Variants in TENT5D observed in about 807,000 individuals in gnomAD.
The protein encoded by TENT5D is terminal nucleotidyltransferase 5D.
For missense variants in TENT5D, 191 were observed against 287.0 expected (o/e 0.67, Z 2.42); for synonymous variants, 103 against 100.6 (o/e 1.02, Z -0.15).
intron 3 of TENT5D, among the ~76,000 whole-genome samples, chrX:80,354,184 T>A (rs925846307): frequency 1.8e-5 from 2 of 111,609 alleles, no homozygotes; most frequent in Non-Finnish European, 3.8e-5. Context: ...CTATGTGTCT[T>A]GGGGACAGTC....
At chrX:80,423,615 G>A (rs189687862) in intron 1 of TENT5D, among the ~76,000 whole-genome samples, 3 of 110,511 alleles carry the variant, frequency 2.7e-5, no homozygotes, top group African/African-American at 6.6e-5. Flanking sequence ...TGAAGTGAAA[G>A]CTTGGCCAAA....
intron 3 of TENT5D, among the ~76,000 whole-genome samples, chrX:80,368,415 C>T (rs1257437459): frequency 8.9e-6 from 1 of 111,803 alleles, no homozygotes; most frequent in Non-Finnish European, 1.9e-5. Flanking sequence ...ATTCTTTTTA[C>T]TGGCAGGTTG....
chrX:80,357,245 A>C (rs1930303265), intron 3 of TENT5D, among the ~76,000 whole-genome samples: 1 of 111,653 alleles, frequency 9.0e-6, no homozygotes, highest in Non-Finnish European at 1.9e-5. Context: ...TCTTTAGAGC[A>C]GCATGATTTA....
chrX:80,374,551 A>G (rs772029115), intron 3 of TENT5D, among the ~76,000 whole-genome samples: 23 of 110,301 alleles, frequency 2.1e-4, no homozygotes, highest in Admixed American at 1.9e-3. Context: ...CTGTTGTGAG[A>G]TGGTATTTCA....
At chrX:80,423,338 A>T (rs1041618281) in intron 1 of TENT5D, among the ~76,000 whole-genome samples, 5 of 111,632 alleles carry the variant, frequency 4.5e-5, no homozygotes, top group African/African-American at 1.6e-4. Flanking sequence ...ATTTAAGAGA[A>T]TTAAGGAGCG....
intron 1 of TENT5D, among the ~76,000 whole-genome samples, chrX:80,423,919 A>G (rs1931936882): frequency 9.0e-6 from 1 of 110,720 alleles, no homozygotes; most frequent in Admixed American, 9.6e-5. Context: ...AGTGGGCCAG[A>G]GGTTTGTGCA....
At chrX:80,337,523 T>C (rs1929874505) in intron 2 of TENT5D, among the ~76,000 whole-genome samples, 1 of 111,871 alleles carries the variant, frequency 8.9e-6, no homozygotes, top group Non-Finnish European at 1.9e-5. Context: ...TTTCTTCTTC[T>C]GTGATTTTTG....
At chrX:80,382,902 G>A (rs1472022456) in intron 3 of TENT5D, among the ~76,000 whole-genome samples, 3 of 112,051 alleles carry the variant, frequency 2.7e-5, no homozygotes, top group Non-Finnish European at 5.6e-5. Flanking sequence ...AGTCTTTCAC[G>A]GCTTCCCTTG....
chrX:80,407,568 G>A (rs1218602389), intron 3 of TENT5D, among the ~76,000 whole-genome samples: 1 of 106,948 alleles, frequency 9.4e-6, no homozygotes, highest in Non-Finnish European at 1.9e-5. Flanking sequence ...AAATATATAT[G>A]CACCCAATAC....
intron 3 of TENT5D, among the ~76,000 whole-genome samples, chrX:80,374,192 C>T (rs948603397): frequency 1.3e-4 from 14 of 111,536 alleles, no homozygotes; most frequent in South Asian, 3.7e-4. Context: ...TTTTTGGCTG[C>T]GTAGTATTCC....
chrX:80,402,386 T>C (rs1931404476), intron 3 of TENT5D, among the ~76,000 whole-genome samples: 1 of 112,080 alleles, frequency 8.9e-6, no homozygotes, highest in South Asian at 3.6e-4. Flanking sequence ...ATTTTTCTAG[T>C]TGTGATTCCA....
At chrX:80,340,529 C>G (rs1000228614) in intron 2 of TENT5D, among the ~76,000 whole-genome samples, 1 of 111,243 alleles carries the variant, frequency 9.0e-6, no homozygotes, top group African/African-American at 3.3e-5. Flanking sequence ...GTGTAGCATG[C>G]TTTGTAAATT....
rs969572382 is a variant in TENT5D at position 80,373,058 on chromosome X, C to T, written c.-142+30494C>T. Among the ~76,000 whole-genome samples, 7 of 110,880 alleles carry T rather than the reference C, an allele frequency of 6.3e-5. No homozygotes were observed. In the South Asian group the frequency reaches 1.2e-3, roughly 18 times the overall value. The stretch of plus-strand genomic sequence containing the variant: ...TCTGCTCTTAACTGTTATACCTACA[C>T]GACTGTCACTAGTATTGCAAAAATA... On this transcript the variant is annotated intron_variant, in intron 3 of 4. Coordinates refer to the TENT5D transcript ENST00000538312.
chrX:80,407,885 A>G (rs1158194068), intron 3 of TENT5D, among the ~76,000 whole-genome samples: 4 of 110,031 alleles, frequency 3.6e-5, no homozygotes, highest in South Asian at 7.9e-4. Flanking sequence ...AAAGAACAGA[A>G]ATTATAACAA....
chrX:80,349,834 G>A (rs947332069), intron 3 of TENT5D, among the ~76,000 whole-genome samples: 5 of 110,852 alleles, frequency 4.5e-5, no homozygotes, highest in African/African-American at 1.6e-4. Context: ...GTGTCCCAGA[G>A]ATTCAGGTAC....
chrX:80,423,535 T>C (rs1931928236), intron 1 of TENT5D, among the ~76,000 whole-genome samples: 2 of 110,548 alleles, frequency 1.8e-5, no homozygotes. Context: ...TAGCTTGGTC[T>C]GGGACCAATC....
intron 3 of TENT5D, among the ~76,000 whole-genome samples, chrX:80,390,738 C>A (rs963717284): frequency 1.8e-5 from 2 of 110,704 alleles, no homozygotes; most frequent in Non-Finnish European, 3.8e-5. Context: ...AGTTTCTAGT[C>A]AAGAATATGA....
chrX:80,405,630 G>A (rs1183647878), intron 3 of TENT5D, among the ~76,000 whole-genome samples: 1 of 111,955 alleles, frequency 8.9e-6, no homozygotes, highest in Admixed American at 9.4e-5. Flanking sequence ...CTGATTGCTA[G>A]CACAGCAGTC....
intron 3 of TENT5D, among the ~76,000 whole-genome samples, chrX:80,371,227 T>A (rs1930619597): frequency 8.9e-6 from 1 of 111,839 alleles, no homozygotes; most frequent in Admixed American, 9.6e-5. Flanking sequence ...CAGGAGGTCT[T>A]AACAGTGGGC....
Sources: allele counts gnomAD v4.1 joint callset (sites outside exome capture counted in the v4.1 genomes callset), GRCh38; gene constraint gnomAD v4.1.1; transcripts MANE v1.5; gene names NCBI Gene and HGNC (gene_info 2026-07-23, HGNC 2026-07-21).